The following CANX variants were observed in gnomAD, a reference collection of about 807,000 sequenced individuals.
CANX encodes calnexin, also known as epididymis secretory sperm binding protein.
CANX carries 14 observed loss-of-function variants against 75.7 expected under a neutral mutation model. The observed-to-expected ratio is 0.19, with a 90% CI of 0.12 to 0.29. The LOEUF (loss-of-function observed/expected upper bound fraction) is 0.29. Ranked by LOEUF, CANX falls within the 10% of genes least tolerant of loss-of-function variation. The pLI is 1.00. For missense variants in CANX, 567 were observed against 713.2 expected, an observed-to-expected ratio of 0.79 and a Z score of 2.34; for synonymous variants, 227 against 236.9, an observed-to-expected ratio of 0.96 and a Z score of 0.38.
chr5:179,731,123 C>T lies in CANX; in HGVS notation c.*2479C>T, dbSNP rs933809517. 3.3e-5 allele frequency among the ~76,000 whole-genome samples: 5 copies of T among 152,166 alleles called. No individual in the cohort carries two copies. Among genetic ancestry groups the T allele is most frequent in the Non-Finnish European group, 7.3e-5 (5 of 68,032 alleles). ...CTTTTCTGTCTAGCCCTTGCCTCTT[C>T]CTGCCCATGTGATTGCGGTGCAGTA... is the stretch of plus-strand genomic sequence containing the variant. On this transcript the variant is annotated 3_prime_UTR_variant, in exon 15 of 15. Transcript: ENST00000247461.
chr5:179,714,484 A>G (rs948234215), intron 7 of CANX, among the ~76,000 whole-genome samples: 1 of 152,080 alleles, frequency 6.6e-6, no homozygotes, highest in Non-Finnish European at 1.5e-5. Context: ...ATACAACTTT[A>G]CATGCTATAT....
chr5:179,692,384 C>G (rs565539224), intron 1 of CANX, among the ~76,000 whole-genome samples: 1 of 151,962 alleles, frequency 6.6e-6, no homozygotes, highest in East Asian at 1.9e-4. Context: ...CATCTGTGTT[C>G]CTTATAACCA....
rs372554478 is a variant in CANX at position 179,707,286 on chromosome 5, G to A, written c.304+96G>A. Reference sequence around the variant, plus strand: ...AAGACTAGTTTAAAAGGACATAGTAGGCTTTAAGATTTTTCCAGCCAGGTG... The same window carrying A: ...AAGACTAGTTTAAAAGGACATAGTAAGCTTTAAGATTTTTCCAGCCAGGTG... On this transcript the variant is annotated intron_variant, in intron 4 of 14. Coordinates refer to ENST00000247461, the MANE Select transcript of CANX (RefSeq NM_001746.4). 1.7e-4 allele frequency: 135 copies of A among 795,312 alleles called. No individual in the cohort carries two copies. In the African/African-American group the frequency reaches 1.9e-3, roughly 11 times the overall value. The allele number at this position is 795,312 out of a possible 1,614,324, so 49.3% of individuals were successfully genotyped here.
intron 8 of CANX, among the ~76,000 whole-genome samples, chr5:179,718,887 A>G (rs906446085): frequency 4.0e-5 from 6 of 149,982 alleles, no homozygotes; most frequent in Middle Eastern, 7.0e-3. Context: ...CCGGTCTTGA[A>G]CTCCTGTCCT....
intron 1 of CANX, among the ~76,000 whole-genome samples, chr5:179,680,055 T>A (rs1419116107): frequency 6.7e-6 from 1 of 148,508 alleles, no homozygotes; most frequent in Non-Finnish European, 1.5e-5. Flanking sequence ...TCAGGTGATC[T>A]GCCCGCCTCA....
chr5:179,701,452 C>G (rs1290889277), intron 1 of CANX, among the ~76,000 whole-genome samples: 1 of 151,476 alleles, frequency 6.6e-6, no homozygotes, highest in Admixed American at 6.6e-5. Flanking sequence ...GAAAATTAAC[C>G]TCCAGCTACT....
chr5:179,713,368 A>C (rs1203731263), intron 7 of CANX, among the ~76,000 whole-genome samples: 1 of 152,196 alleles, frequency 6.6e-6, no homozygotes, highest in African/African-American at 2.4e-5. Flanking sequence ...CACTGAGCCC[A>C]GCTTAACCTT....
At chr5:179,691,259 G>A (rs987664223) in intron 1 of CANX, among the ~76,000 whole-genome samples, 2 of 151,910 alleles carry the variant, frequency 1.3e-5, no homozygotes, top group Admixed American at 6.6e-5. Flanking sequence ...TCCTGGCCTC[G>A]AGTGATCCAC....
intron 1 of CANX, among the ~76,000 whole-genome samples, chr5:179,693,185 A>C (rs1776330589): frequency 6.6e-6 from 1 of 151,734 alleles, no homozygotes; most frequent in Non-Finnish European, 1.5e-5. Context: ...TAGTGGAAAA[A>C]TGGACAAACG....
At chr5:179,690,741 T>A (rs1001192919) in intron 1 of CANX, among the ~76,000 whole-genome samples, 2 of 151,058 alleles carry the variant, frequency 1.3e-5, no homozygotes. Context: ...ATACAAAAAT[T>A]AGCCGGGCGC....
chr5:179,726,485 A>T (rs1267302824), intron 13 of CANX, among the ~76,000 whole-genome samples, 195 bp from the exon 14 acceptor site: 2 of 150,020 alleles, frequency 1.3e-5, no homozygotes, highest in South Asian at 2.1e-4. Context: ...CTGAGGCAGG[A>T]GAATGGCGTG....
At chr5:179,714,522 T>A (rs553867637) in intron 7 of CANX, among the ~76,000 whole-genome samples, 1,985 of 152,082 alleles carry the variant, frequency 0.013, 34 homozygotes, top group African/African-American at 0.042. Flanking sequence ...TTATTTATTT[T>A]TATTTTTTTT....
intron 7 of CANX, among the ~76,000 whole-genome samples, chr5:179,712,160 T>G (rs914649966): frequency 9.9e-5 from 15 of 151,738 alleles, no homozygotes; most frequent in Admixed American, 5.3e-4. Context: ...TGATCTAATT[T>G]CTTCCTTTTT....
Position 179,708,317 on chromosome 5 carries a change from A to G in CANX, c.383A>G (p.His128Arg). The G allele has an allele frequency of 1.2e-6, 2 of 1,613,996 alleles. No homozygotes were observed. Among genetic ancestry groups the G allele is most frequent in the Non-Finnish European group, 1.7e-6 (2 of 1,179,860 alleles). The change falls in exon 5 of 15, where the codon CAT becomes CGT. Residue 128 changes from histidine (H) to arginine (R), a missense_variant. By Grantham distance (29) the His-to-Arg change is conservative. Transcript: ENST00000247461. ...KGLVLMSRAK[H>R]HAISAKLNKP... is the part of the protein sequence containing the mutation. ...CTTGTGTTGATGTCTCGGGCCAAGC[A>G]TCATGCCATCTCTGCTAAACTGAAC...
At chr5:179,712,572 C>G (rs1392753690) in intron 7 of CANX, among the ~76,000 whole-genome samples, 7 of 151,758 alleles carry the variant, frequency 4.6e-5, no homozygotes, top group African/African-American at 1.7e-4. Context: ...GCATGTGCCA[C>G]CACGCCTGGC....
upstream of CANX, among the ~76,000 whole-genome samples, chr5:179,693,968 T>C (rs1185489195): frequency 2.0e-5 from 3 of 151,758 alleles, no homozygotes; most frequent in African/African-American, 4.8e-5. Context: ...GAAATGACCA[T>C]TACCAGCCTA....
Position 179,699,114 on chromosome 5 carries a change from G to A in CANX, c.-4+12G>A. 1 of 1,041,756 alleles carries A rather than the reference G, an allele frequency of 9.6e-7. No homozygotes were observed. Among genetic ancestry groups the A allele is most frequent in the Non-Finnish European group, 1.2e-6 (1 of 860,376 alleles). 64.5% of individuals were successfully genotyped at this position (1,041,756 alleles called of 1,614,324 possible). ...CCGGGAGGCTAGAGGTGAGAGGGGAGACCTGAGCGCGTCCTCGGGCCTGTG... is the reference window on the plus strand; with the variant it reads ...CCGGGAGGCTAGAGGTGAGAGGGGAAACCTGAGCGCGTCCTCGGGCCTGTG... On this transcript the variant is annotated intron_variant, in intron 1 of 14. Coordinates refer to ENST00000247461, the MANE Select transcript of CANX (RefSeq NM_001746.4).
chr5:179,729,670 T>C lies in CANX; in HGVS notation c.*1026T>C, dbSNP rs1778882141. 6.5e-6 allele frequency: 1 copy of C among 152,692 alleles called. No individual in the cohort carries two copies. The highest frequency in any genetic ancestry group is 2.1e-4 in the South Asian group (1 of 4,836). The allele number at this position is 152,692 out of a possible 1,614,324, so 9.5% of individuals were successfully genotyped here. ...TTACGTGTATGTTTCTTCTTTCTTT[T>C]AAGCAGACCCATACCTTTCCAGGGT... On this transcript the variant is annotated 3_prime_UTR_variant, in exon 15 of 15. Coordinates refer to ENST00000247461, the MANE Select transcript of CANX (RefSeq NM_001746.4).
chr5:179,728,956 C>G lies in CANX; in HGVS notation c.*312C>G. ...TTTAAAATAGAATGATAGAACTTTG[C>G]CAGTCTTTAAGATCTTGGCTTAATT... On this transcript the variant is annotated 3_prime_UTR_variant, in exon 15 of 15. Coordinates refer to ENST00000247461, the MANE Select transcript of CANX (RefSeq NM_001746.4). The G allele has an allele frequency of 5.3e-6, 2 of 378,560 alleles. No individual in the cohort carries two copies. The highest frequency in any genetic ancestry group is 9.9e-6 in the Non-Finnish European group (2 of 201,702). The allele number at this position is 378,560 out of a possible 1,614,324, so 23.5% of individuals were successfully genotyped here. A position where few individuals can be genotyped will look rare whatever the true frequency, so the allele number is the denominator to read the frequency against.
Sources: gnomAD v4.1 joint callset for allele counts (sites outside exome capture counted in the v4.1 genomes callset) on GRCh38, gnomAD v4.1.1 for gene constraint, MANE v1.5 for transcripts, NCBI Gene and HGNC (gene_info 2026-07-23, HGNC 2026-07-21) for gene names.